RPAP2: variants seen among roughly 807,000 people sequenced by gnomAD.
RPAP2 encodes the protein putative RNA polymerase II subunit B1 CTD phosphatase RPAP2.
Under a neutral mutation model 73.1 loss-of-function variants are expected in RPAP2, and 52 were observed. The ratio of observed to expected loss-of-function variants is 0.71; its 90% CI spans 0.57 to 0.90. The LOEUF is 0.90. RPAP2 is among the 40% of genes least tolerant of loss of function. The pLI is 0.00. For synonymous variants in RPAP2, 225 were observed against 242.1 expected (o/e 0.93, Z 0.65); for missense variants, 598 against 701.8 (o/e 0.85, Z 1.67).
intron 3 of RPAP2, among the ~76,000 whole-genome samples, chr1:92,301,929 T>A (rs1650883894): frequency 1.3e-5 from 2 of 152,218 alleles, no homozygotes; most frequent in South Asian, 4.1e-4. Context: ...TTGCTCAATG[T>A]ATACATGTGT....
rs142529755 is a variant in RPAP2 at position 92,346,472 on chromosome 1, TC to T, written c.1688+559del. On this transcript the variant is annotated intron_variant, in intron 11 of 12. Coordinates refer to ENST00000610020, the MANE Select transcript of RPAP2 (RefSeq NM_024813.3). ...AGCCACCACACCCAGCCTGTTATCA[TC>T]TTGGAAAGAGACAAATATCCTCATG... 2.7e-3 allele frequency among the ~76,000 whole-genome samples: 406 copies of T among 152,282 alleles called. 7 individuals carry two copies. In the East Asian group the frequency reaches 0.051, roughly 19 times the overall value.
At chr1:92,386,131 C>T (rs1655856057) in intron 12 of RPAP2, among the ~76,000 whole-genome samples, 1 of 152,186 alleles carries the variant, frequency 6.6e-6, no homozygotes, top group Non-Finnish European at 1.5e-5. Context: ...ATGGAAGCCA[C>T]AGTCTTTTTG....
chr1:92,319,843 A>G (rs1478057922), intron 6 of RPAP2, among the ~76,000 whole-genome samples: 1 of 152,118 alleles, frequency 6.6e-6, no homozygotes, highest in Non-Finnish European at 1.5e-5. Flanking sequence ...TACTAAAAAT[A>G]CAAAACTAGT....
rs939955469 is a variant in RPAP2 at position 92,397,293 on chromosome 1, G to A, written c.*10282G>A. On this transcript the variant is annotated 3_prime_UTR_variant, in exon 13 of 13. Coordinates refer to ENST00000610020, the MANE Select transcript of RPAP2 (RefSeq NM_024813.3). ...GAGTCCCAGCTACTCAGGAGTCAGA[G>A]GTGGGAGGATCACTTGAGCCCAGGA... The A allele has an allele frequency of 2.0e-5, 3 of 152,276 alleles. No homozygotes were observed. The highest frequency in any genetic ancestry group is 7.2e-5 in the African/African-American group (3 of 41,442). The allele number at this position is 152,276 out of a possible 1,614,324, so 9.4% of individuals were successfully genotyped here. A position where few individuals can be genotyped will look rare whatever the true frequency, so the allele number is the denominator to read the frequency against.
chr1:92,321,065 T>C (rs1339215104), intron 7 of RPAP2, among the ~76,000 whole-genome samples: 1 of 152,242 alleles, frequency 6.6e-6, no homozygotes, highest in Non-Finnish European at 1.5e-5. Flanking sequence ...TGTGATTTTC[T>C]TTCTAAACTT....
chr1:92,383,231 A>C (rs902990694), intron 12 of RPAP2, among the ~76,000 whole-genome samples: 1 of 152,154 alleles, frequency 6.6e-6, no homozygotes, highest in African/African-American at 2.4e-5. Flanking sequence ...CTTTTGGCTT[A>C]GGATTGACTT....
chr1:92,389,919 T>C lies in RPAP2; in HGVS notation c.*2908T>C, dbSNP rs1178061599. 6 of 152,206 alleles carry C rather than the reference T, an allele frequency of 3.9e-5. No individual in the cohort carries two copies. Among genetic ancestry groups the C allele is most frequent in the Non-Finnish European group, 7.3e-5 (5 of 68,050 alleles). The allele number at this position is 152,206 out of a possible 1,614,324, so 9.4% of individuals were successfully genotyped here. On this transcript the variant is annotated 3_prime_UTR_variant, in exon 13 of 13. Coordinates refer to ENST00000610020, the MANE Select transcript of RPAP2 (RefSeq NM_024813.3). The stretch of plus-strand genomic sequence containing the variant: ...GTGAAAAGACCAAATCTATGTTTGA[T>C]TGGTGTACCTGAAAGTGATGGGGAG...
At chr1:92,335,371 C>T (rs561509973) in intron 9 of RPAP2, among the ~76,000 whole-genome samples, 1 of 152,202 alleles carries the variant, frequency 6.6e-6, no homozygotes, top group African/African-American at 2.4e-5. Flanking sequence ...TATACTATCA[C>T]ACTGGTCTTA....
chr1:92,376,045 T>C (rs1655375626), intron 11 of RPAP2, among the ~76,000 whole-genome samples: 1 of 151,324 alleles, frequency 6.6e-6, no homozygotes, highest in African/African-American at 2.4e-5. Flanking sequence ...AAGAAAAAAC[T>C]GCATCTGCTT....
chr1:92,346,061 AAAC>A, intron 11 of RPAP2, 147 bp downstream of exon 11: 1 of 526,956 alleles, frequency 1.9e-6, no homozygotes, highest in South Asian at 3.2e-5. Flanking sequence ...CTATGTAAGA[AAAC>A]AATTTTTATT....
At position 92,395,119 on chromosome 1, in the gene RPAP2, T is replaced by C. The variant is rs1317344749; in HGVS notation, c.*8108T>C. 1 of 152,186 alleles carries C rather than the reference T, an allele frequency of 6.6e-6. No individual in the cohort carries two copies. The highest frequency in any genetic ancestry group is 2.4e-5 in the African/African-American group (1 of 41,456). The allele number at this position is 152,186 out of a possible 1,614,324, so 9.4% of individuals were successfully genotyped here. On this transcript the variant is annotated 3_prime_UTR_variant, in exon 13 of 13. Coordinates refer to ENST00000610020, the MANE Select transcript of RPAP2 (RefSeq NM_024813.3). Reference sequence around the variant, plus strand: ...ATATCAAATGCAGAAGAAATTAATTTAGATTCTTACCTCCTACCATATGCA... The same window carrying C: ...ATATCAAATGCAGAAGAAATTAATTCAGATTCTTACCTCCTACCATATGCA...
At chr1:92,320,279 C>T (rs1652172177) in intron 6 of RPAP2, among the ~76,000 whole-genome samples, 3 of 151,002 alleles carry the variant, frequency 2.0e-5, no homozygotes, top group Non-Finnish European at 4.4e-5. Context: ...TAATTTTTTT[C>T]TTTTTTTTTC....
At chr1:92,304,237 T>C (rs1289347411) in intron 4 of RPAP2, 47 bp from the exon 5 acceptor site, 2 of 1,284,782 alleles carry the variant, frequency 1.6e-6, no homozygotes, top group Non-Finnish European at 2.2e-6. Context: ...ATAACGTTCA[T>C]GTTTATTATT....
At chr1:92,309,590 TACACATAC>T in intron 6 of RPAP2, among the ~76,000 whole-genome samples, 1 of 101,232 alleles carries the variant, frequency 9.9e-6, no homozygotes, top group African/African-American at 6.1e-5. Context: ...TACATACACA[TACACATAC>T]ACATACACAT....
chr1:92,351,781 A>G (rs1490876242), intron 11 of RPAP2, among the ~76,000 whole-genome samples: 1 of 152,190 alleles, frequency 6.6e-6, no homozygotes, highest in African/African-American at 2.4e-5. Context: ...TGTGCAGCCT[A>G]TGTGCCAGAA....
chr1:92,327,360 T>C (rs1214798882), intron 8 of RPAP2, among the ~76,000 whole-genome samples: 1 of 152,222 alleles, frequency 6.6e-6, no homozygotes, highest in Non-Finnish European at 1.5e-5. Context: ...TGCATATTTA[T>C]TTAGGATTGT....
chr1:92,385,198 C>A (rs966710780), intron 12 of RPAP2, among the ~76,000 whole-genome samples: 4 of 149,154 alleles, frequency 2.7e-5, no homozygotes, highest in African/African-American at 4.9e-5. Context: ...AAAGAGGTTT[C>A]TATTTCAGAC....
At chr1:92,334,297 T>C (rs1375638099) in intron 9 of RPAP2, among the ~76,000 whole-genome samples, 1 of 152,220 alleles carries the variant, frequency 6.6e-6, no homozygotes, top group Non-Finnish European at 1.5e-5. Flanking sequence ...TGGGTTTTTT[T>C]CTCATTATCA....
chr1:92,318,942 A>G (rs1180717429), intron 6 of RPAP2, among the ~76,000 whole-genome samples: 1 of 152,210 alleles, frequency 6.6e-6, no homozygotes, highest in Admixed American at 6.5e-5. Flanking sequence ...GACTTCTTTA[A>G]TAAAGGCTTA....
Sources: gnomAD v4.1 joint callset for allele counts (sites outside exome capture counted in the v4.1 genomes callset) on GRCh38, gnomAD v4.1.1 for gene constraint, MANE v1.5 for transcripts, NCBI Gene and HGNC (gene_info 2026-07-23, HGNC 2026-07-21) for gene names.